The following EVA1C variants were observed in gnomAD, a reference collection of about 807,000 sequenced individuals.
The protein encoded by EVA1C is eva-1 homolog C, also known as protein eva-1 homolog C.
In EVA1C, 25 loss-of-function variants were observed where a neutral mutation model predicts 45.4. That is an observed-to-expected ratio of 0.55 (90% CI 0.40 to 0.77). The LOEUF is 0.77. EVA1C is among the 30% of genes least tolerant of loss of function. The pLI is 0.00. For missense variants in EVA1C, 479 were observed against 554.8 expected (o/e 0.86, Z 1.37); for synonymous variants, 190 against 221.2 (o/e 0.86, Z 1.25).
intron 7 of EVA1C, among the ~76,000 whole-genome samples, chr21:32,507,812 G>A (rs2037806072): frequency 7.1e-6 from 1 of 140,838 alleles, no homozygotes. Context: ...CTGTGTGCAT[G>A]TATGTATGTG....
chr21:32,463,598 G>A (rs761357569), intron 3 of EVA1C, among the ~76,000 whole-genome samples: 161 of 152,124 alleles, frequency 1.1e-3, no homozygotes, highest in Non-Finnish European at 1.9e-3. Flanking sequence ...GGACGAAATC[G>A]CTGGAGGCCT....
chr21:32,448,657 C>T lies in EVA1C; in HGVS notation c.161-4655C>T, dbSNP rs139889638. ...GGCACTGTGGCTCACACCTGTAATC[C>T]CAGCACTTTGAGAGGCTGAGGCGGG... On this transcript the variant is annotated intron_variant, in intron 1 of 7. Transcript: ENST00000300255. Among the ~76,000 whole-genome samples the T allele has an allele frequency of 5.8e-3, 877 of 152,084 alleles. 11 individuals are homozygous for T. Among genetic ancestry groups the T allele is most frequent in the African/African-American group, 0.02 (811 of 41,472 alleles).
At chr21:32,472,498 G>A (rs906224776) in intron 4 of EVA1C, among the ~76,000 whole-genome samples, 3 of 152,156 alleles carry the variant, frequency 2.0e-5, no homozygotes, top group African/African-American at 7.2e-5. Flanking sequence ...ACCAGACGCA[G>A]TGGTTTATGC....
At chr21:32,485,880 T>G (rs1407172351) in intron 4 of EVA1C, among the ~76,000 whole-genome samples, 4 of 152,208 alleles carry the variant, frequency 2.6e-5, no homozygotes, top group African/African-American at 9.6e-5. Flanking sequence ...CTTAACCCAG[T>G]AAAGGTTTAT....
chr21:32,460,653 T>C (rs1156665492), intron 3 of EVA1C, among the ~76,000 whole-genome samples: 2 of 152,160 alleles, frequency 1.3e-5, no homozygotes, highest in African/African-American at 4.8e-5. Context: ...CCGTGGGGCC[T>C]GATATTCACT....
chr21:32,484,996 T>G (rs1315706170), intron 4 of EVA1C, among the ~76,000 whole-genome samples: 1 of 152,086 alleles, frequency 6.6e-6, no homozygotes, highest in Non-Finnish European at 1.5e-5. Flanking sequence ...TTCCAAATCC[T>G]TCCAGAGCCC....
intron 1 of EVA1C, among the ~76,000 whole-genome samples, chr21:32,446,653 A>G (rs933546631): frequency 1.3e-5 from 2 of 152,200 alleles, no homozygotes; most frequent in Non-Finnish European, 2.9e-5. Context: ...GATTGGGAGC[A>G]GCTCATCTGT....
intron 1 of EVA1C, among the ~76,000 whole-genome samples, chr21:32,417,816 T>TA (rs2034110481): frequency 1.3e-5 from 2 of 152,218 alleles, no homozygotes; most frequent in Admixed American, 1.3e-4. Flanking sequence ...CTGGGGAGAC[T>TA]AAAAAAATAT....
intron 4 of EVA1C, among the ~76,000 whole-genome samples, chr21:32,476,739 C>A (rs1379866677): frequency 6.6e-6 from 1 of 152,002 alleles, no homozygotes; most frequent in African/African-American, 2.4e-5. Context: ...TCCATCCTGC[C>A]CCATAAGCAC....
chr21:32,417,999 A>G (rs781379942), intron 1 of EVA1C, among the ~76,000 whole-genome samples: 2 of 152,120 alleles, frequency 1.3e-5, no homozygotes, highest in Non-Finnish European at 1.5e-5. Flanking sequence ...CAGGTCATCC[A>G]AGGGCACAGA....
chr21:32,513,765 C>G (rs956648548), intron 7 of EVA1C, among the ~76,000 whole-genome samples: 1 of 151,296 alleles, frequency 6.6e-6, no homozygotes, highest in African/African-American at 2.4e-5. Context: ...GGTCTTGAAC[C>G]CCTGAACTCA....
At chr21:32,511,419 CAA>C (rs749141703) in intron 7 of EVA1C, among the ~76,000 whole-genome samples, 5 of 47,600 alleles carry the variant, frequency 1.1e-4, no homozygotes, top group Non-Finnish European at 1.9e-4. Flanking sequence ...AACTCCGTCT[CAA>C]AAAAAAAAAA....
At chr21:32,468,603 C>A (rs2036267566) in intron 4 of EVA1C, among the ~76,000 whole-genome samples, 1 of 151,992 alleles carries the variant, frequency 6.6e-6, no homozygotes, top group South Asian at 2.1e-4. Flanking sequence ...GTTCAAGCCT[C>A]AAAACTGAAG....
chr21:32,507,670 A>G (rs1258969450), intron 7 of EVA1C, among the ~76,000 whole-genome samples: 1 of 144,696 alleles, frequency 6.9e-6, no homozygotes, highest in African/African-American at 2.6e-5. Context: ...GTGTGCATGC[A>G]TGTGTATCTG....
intron 1 of EVA1C, among the ~76,000 whole-genome samples, chr21:32,440,920 G>A (rs1267340888): frequency 6.6e-6 from 1 of 152,094 alleles, no homozygotes; most frequent in Non-Finnish European, 1.5e-5. Flanking sequence ...GACCAACATG[G>A]AGAAAACCCG....
At chr21:32,432,739 G>A (rs1215110089) in intron 1 of EVA1C, among the ~76,000 whole-genome samples, 2 of 152,222 alleles carry the variant, frequency 1.3e-5, no homozygotes, top group Middle Eastern at 3.4e-3. Flanking sequence ...CTTATTTTTA[G>A]AGACAGGGTC....
chr21:32,455,451 G>C (rs1421266924), intron 2 of EVA1C, among the ~76,000 whole-genome samples: 3 of 151,882 alleles, frequency 2.0e-5, no homozygotes, highest in Admixed American at 1.3e-4. Flanking sequence ...GTGAGTTTTG[G>C]GGGGGATAAA....
At chr21:32,412,682 G>C, upstream of EVA1C, 1 of 508,744 alleles carries the variant, frequency 2.0e-6, no homozygotes, top group Non-Finnish European at 3.1e-6. Context: ...CTTTGCTGGG[G>C]CGCCTGGGCT....
chr21:32,418,455 C>T (rs1479464352), intron 1 of EVA1C, among the ~76,000 whole-genome samples: 4 of 152,142 alleles, frequency 2.6e-5, no homozygotes, highest in Non-Finnish European at 4.4e-5. Context: ...CTCCCAGGTG[C>T]TTTATTGGAA....
Sources: gnomAD v4.1 joint callset for allele counts (sites outside exome capture counted in the v4.1 genomes callset) on GRCh38, gnomAD v4.1.1 for gene constraint, MANE v1.5 for transcripts, NCBI Gene and HGNC (gene_info 2026-07-23, HGNC 2026-07-21) for gene names.